DPH6: variants seen among roughly 807,000 people sequenced by gnomAD.
DPH6 encodes the protein diphthamine biosynthesis 6, also known as diphthine--ammonia ligase.
Under a neutral mutation model 38.2 loss-of-function variants are expected in DPH6, and 33 were observed. That is an observed-to-expected ratio of 0.86 (90% CI 0.65 to 1.15). DPH6 has a LOEUF of 1.15. Among genes scored for constraint, DPH6 ranks in the 50% most tolerant of loss-of-function variants. DPH6 has a pLI of 0.00. For synonymous variants in DPH6, 108 were observed against 103.0 expected (o/e 1.05, Z -0.30); for missense variants, 325 against 320.0 (o/e 1.02, Z -0.12).
chr15:35,372,510 T>A (rs957688367), intron 8 of DPH6: 1 of 213,710 alleles, frequency 4.7e-6, no homozygotes, highest in African/African-American at 2.3e-5. Context: ...AAACTACAAG[T>A]TAGGGGTTCA....
chr15:35,384,320 T>C (rs1267049406), intron 6 of DPH6, among the ~76,000 whole-genome samples: 2 of 152,178 alleles, frequency 1.3e-5, no homozygotes, highest in Non-Finnish European at 2.9e-5. Context: ...TAAACAAAAA[T>C]AACAAACTAC....
intron 6 of DPH6, among the ~76,000 whole-genome samples, chr15:35,390,826 C>A (rs978920178): frequency 4.6e-5 from 7 of 152,166 alleles, no homozygotes; most frequent in Non-Finnish European, 8.8e-5. Flanking sequence ...TCTTCTGAAG[C>A]CTTCCTCTCT....
the DPH6 span, among the ~76,000 whole-genome samples, chr15:35,180,098 A>C: frequency 6.6e-6 from 1 of 152,136 alleles, no homozygotes; most frequent in Non-Finnish European, 1.5e-5. Context: ...TTAAACATTC[A>C]TTAGCTTAAA....
chr15:35,389,344 A>T (rs2053019068), intron 6 of DPH6, among the ~76,000 whole-genome samples: 1 of 152,172 alleles, frequency 6.6e-6, no homozygotes, highest in Admixed American at 6.5e-5. Flanking sequence ...AGTTCTGTAG[A>T]TGTCTATTAG....
the DPH6 span, among the ~76,000 whole-genome samples, chr15:35,196,284 G>A: frequency 6.6e-6 from 1 of 152,262 alleles, no homozygotes; most frequent in South Asian, 2.1e-4. Flanking sequence ...TTTTAGTGAA[G>A]AGATAAAAAA....
intron 3 of DPH6, among the ~76,000 whole-genome samples, chr15:35,226,998 T>C (rs1376863354): frequency 1.3e-5 from 2 of 152,040 alleles, no homozygotes; most frequent in African/African-American, 4.8e-5. Context: ...GTTTTCATCT[T>C]GTCACTTGTT....
At chr15:35,505,935 T>C (rs1435363531) in intron 3 of DPH6, among the ~76,000 whole-genome samples, 1 of 152,116 alleles carries the variant, frequency 6.6e-6, no homozygotes, top group Non-Finnish European at 1.5e-5. Flanking sequence ...TTATTTACAC[T>C]TGTCAGTATT....
At chr15:35,443,668 A>C (rs2053816203) in intron 5 of DPH6, among the ~76,000 whole-genome samples, 1 of 152,170 alleles carries the variant, frequency 6.6e-6, no homozygotes, top group Non-Finnish European at 1.5e-5. Flanking sequence ...TTTGAAATGT[A>C]AACAGATACC....
At chr15:35,363,167 T>G (rs2052628055) in intron 3 of DPH6, among the ~76,000 whole-genome samples, 1 of 152,192 alleles carries the variant, frequency 6.6e-6, no homozygotes, top group Non-Finnish European at 1.5e-5. Flanking sequence ...GCTAATTGTG[T>G]TATTTTAATT....
At chr15:35,186,025 C>A in the DPH6 span, among the ~76,000 whole-genome samples, 50 of 152,070 alleles carry the variant, frequency 3.3e-4, no homozygotes, top group Non-Finnish European at 6.6e-4. Context: ...TGAGCCACTG[C>A]GCCCGGCCCC....
intron 5 of DPH6, among the ~76,000 whole-genome samples, chr15:35,446,572 TG>T (rs1232456737): frequency 3.9e-5 from 6 of 152,286 alleles, no homozygotes; most frequent in African/African-American, 1.4e-4. Context: ...CTTATTTTAT[TG>T]TAAGAATATA....
At chr15:35,240,672 C>T (rs967646888) in intron 3 of DPH6, among the ~76,000 whole-genome samples, 4 of 143,466 alleles carry the variant, frequency 2.8e-5, no homozygotes, top group Admixed American at 7.5e-5. Context: ...AATCAGTTAG[C>T]GTTTAGGCTC....
At chr15:35,214,896 C>A (rs2140380792), downstream of DPH6, among the ~76,000 whole-genome samples, 1 of 152,316 alleles carries the variant, frequency 6.6e-6, no homozygotes, top group East Asian at 1.9e-4. Context: ...GTGTGAGCCA[C>A]CACGCTTGGC....
the DPH6 span, among the ~76,000 whole-genome samples, chr15:35,198,792 T>C: frequency 1.3e-5 from 2 of 152,214 alleles, no homozygotes; most frequent in African/African-American, 2.4e-5. Context: ...AAGATGAATA[T>C]AGGTAGCGTC....
intron 3 of DPH6, among the ~76,000 whole-genome samples, chr15:35,258,376 G>C (rs998008153): frequency 7.2e-5 from 11 of 152,172 alleles, no homozygotes; most frequent in African/African-American, 2.4e-4. Context: ...ATTAAAGGAG[G>C]ACACTTTCAC....
chr15:35,432,667 CTTATG>C (rs1447097217), intron 5 of DPH6, among the ~76,000 whole-genome samples: 2 of 152,082 alleles, frequency 1.3e-5, no homozygotes, highest in Non-Finnish European at 2.9e-5. Context: ...TGTTAGCTTT[CTTATG>C]TTAACACAAA....
In DPH6 at chr15:35,299,297, G is replaced by T. The variant is rs369073946; in HGVS notation, n.200+74224C>A. 2.4e-3 allele frequency: 2,404 copies of T among 1,018,360 alleles called. 9 individuals carry two copies. The highest frequency in any genetic ancestry group is 3.1e-3 in the Non-Finnish European group (1,953 of 636,808). The allele number at this position is 1,018,360 out of a possible 1,614,324, so 63.1% of individuals were successfully genotyped here. A position where few individuals can be genotyped will look rare whatever the true frequency, so the allele number is the denominator to read the frequency against. On this transcript the variant is annotated intron_variant and non_coding_transcript_variant, in intron 3 of 3. Coordinates refer to the DPH6 transcript ENST00000560386. ...CGTTGTAGGTCAATGACTGGGGCAAGAACTGTACCTTGTTTCGTCCTTTGG... is the reference window on the plus strand; with the variant it reads ...CGTTGTAGGTCAATGACTGGGGCAATAACTGTACCTTGTTTCGTCCTTTGG...
chr15:35,331,487 C>G (rs2052326752), intron 3 of DPH6, among the ~76,000 whole-genome samples: 1 of 152,098 alleles, frequency 6.6e-6, no homozygotes, highest in East Asian at 1.9e-4. Context: ...AACTAAAATG[C>G]AGGATTCAAA....
chr15:35,522,998 C>A (rs1457482022), intron 3 of DPH6, among the ~76,000 whole-genome samples: 1 of 151,938 alleles, frequency 6.6e-6, no homozygotes, highest in Non-Finnish European at 1.5e-5. Flanking sequence ...CCAATGATTT[C>A]TAAATTTTCA....
Sources: allele counts gnomAD v4.1 joint callset (sites outside exome capture counted in the v4.1 genomes callset), GRCh38; gene constraint gnomAD v4.1.1; transcripts MANE v1.5; gene names NCBI Gene and HGNC (gene_info 2026-07-23, HGNC 2026-07-21).